The following ELP4 variants were observed in gnomAD, a reference collection of about 807,000 sequenced individuals.
ELP4 encodes elongator acetyltransferase complex subunit 4, also known as elongator complex protein 4.
A neutral mutation model predicts 48.9 loss-of-function variants in ELP4; 51 were observed. That is an observed-to-expected ratio of 1.04 (90% CI 0.83 to 1.32). ELP4 has a LOEUF of 1.32. Ranked by LOEUF, ELP4 falls within the 40% of genes most tolerant of loss-of-function variation. The pLI is 0.00. For synonymous variants in ELP4, 210 were observed against 189.2 expected (o/e 1.11, Z -0.90); for missense variants, 519 against 514.6 (o/e 1.01, Z -0.08).
chr11:31,553,443 C>CA (rs1483808924), intron 3 of ELP4, among the ~76,000 whole-genome samples: 1 of 152,048 alleles, frequency 6.6e-6, no homozygotes, highest in East Asian at 1.9e-4. Flanking sequence ...CATCCCGAGT[C>CA]AGAGAAATTT....
At chr11:31,530,174 AATTGACT>A (rs1274908061) in intron 2 of ELP4, among the ~76,000 whole-genome samples, 1 of 152,176 alleles carries the variant, frequency 6.6e-6, no homozygotes, top group Non-Finnish European at 1.5e-5. Flanking sequence ...AAAATGTTGT[AATTGACT>A]ATTGACTAAG....
chr11:31,564,508 T>C (rs1482027996), intron 3 of ELP4, among the ~76,000 whole-genome samples: 1 of 152,088 alleles, frequency 6.6e-6, no homozygotes, highest in Non-Finnish European at 1.5e-5. Context: ...TAGGTATATC[T>C]CCTAATGCTA....
intron 9 of ELP4, among the ~76,000 whole-genome samples, chr11:31,694,776 T>G (rs1326418710): frequency 6.6e-6 from 1 of 152,238 alleles, no homozygotes; most frequent in Non-Finnish European, 1.5e-5. Context: ...ACGATATTGA[T>G]TCTTCCTATC....
intron 1 of ELP4, chr11:31,510,592 A>C: frequency 2.5e-6 from 1 of 392,520 alleles, no homozygotes; most frequent in Non-Finnish European, 4.5e-6. Context: ...TGATATTTAG[A>C]TAGTGTCTGC....
At chr11:31,673,007 G>GT (rs1400288234) in intron 9 of ELP4, among the ~76,000 whole-genome samples, 2 of 151,708 alleles carry the variant, frequency 1.3e-5, no homozygotes, top group Admixed American at 6.6e-5. Flanking sequence ...GTTTTGGTGG[G>GT]TTTTTTTGTT....
chr11:31,546,609 T>G (rs760335825), intron 3 of ELP4, among the ~76,000 whole-genome samples: 4 of 152,086 alleles, frequency 2.6e-5, no homozygotes, highest in Non-Finnish European at 5.9e-5. Context: ...ACCCAGGAAT[T>G]GAATTCAGCT....
chr11:31,627,223 A>G (rs369765801), intron 6 of ELP4, 29 bp downstream of exon 6: 23 of 550,566 alleles, frequency 4.2e-5, no homozygotes, highest in Non-Finnish European at 5.7e-5. Context: ...GTCTTTTATA[A>G]TTATTTATAT....
rs761531074 is a variant in ELP4 at position 31,784,151 on chromosome 11, T to C, written c.*627T>C. ...TGGATGGTCTTTAGTTTAGTAATCC[T>C]AAACAATTGAAGTCAGTACTATGAA... On this transcript the variant is annotated 3_prime_UTR_variant, in exon 10 of 10. Coordinates refer to ENST00000640961, the MANE Select transcript of ELP4 (RefSeq NM_019040.5). 6.6e-6 allele frequency: 1 copy of C among 152,178 alleles called. No individual in the cohort carries two copies. The highest frequency in any genetic ancestry group is 1.5e-5 in the Non-Finnish European group (1 of 68,006). The allele number at this position is 152,178 out of a possible 1,614,324, so 9.4% of individuals were successfully genotyped here.
At chr11:31,543,382 T>A (rs963027797) in intron 3 of ELP4, among the ~76,000 whole-genome samples, 15 of 152,142 alleles carry the variant, frequency 9.9e-5, no homozygotes, top group African/African-American at 3.6e-4. Context: ...TGTAGTGGTG[T>A]GATCTTGGCC....
intron 7 of ELP4, among the ~76,000 whole-genome samples, chr11:31,641,675 G>T (rs1945100349): frequency 1.3e-5 from 2 of 151,822 alleles, no homozygotes; most frequent in South Asian, 4.1e-4. Flanking sequence ...AGAGGGAGTA[G>T]TTCTGTCTTC....
intron 9 of ELP4, among the ~76,000 whole-genome samples, chr11:31,722,297 A>T (rs1193670361): frequency 6.6e-6 from 1 of 152,206 alleles, no homozygotes; most frequent in Middle Eastern, 3.2e-3. Flanking sequence ...TTGAGAATTC[A>T]GGAAGGAGGA....
intron 9 of ELP4, among the ~76,000 whole-genome samples, chr11:31,657,801 G>A (rs1284597332): frequency 6.6e-6 from 1 of 151,824 alleles, no homozygotes; most frequent in Non-Finnish European, 1.5e-5. Context: ...GAAGTCATAT[G>A]CAGAATAACA....
chr11:31,546,333 T>C (rs1358404691), intron 3 of ELP4, among the ~76,000 whole-genome samples: 1 of 151,958 alleles, frequency 6.6e-6, no homozygotes, highest in Non-Finnish European at 1.5e-5. Context: ...GGGGTTGCAA[T>C]CCGAGTCTCT....
At chr11:31,757,360 T>C (rs1947853907) in intron 9 of ELP4, among the ~76,000 whole-genome samples, 3 of 151,860 alleles carry the variant, frequency 2.0e-5, no homozygotes, top group Admixed American at 1.3e-4. Context: ...TTGAATTCTT[T>C]CCAAATCAGA....
intron 9 of ELP4, among the ~76,000 whole-genome samples, chr11:31,679,313 A>G (rs553645303): frequency 6.6e-6 from 1 of 152,334 alleles, no homozygotes; most frequent in African/African-American, 2.4e-5. Context: ...TTTATATTAT[A>G]TCTTGAAGTC....
chr11:31,582,797 G>A (rs1443478397), intron 3 of ELP4, among the ~76,000 whole-genome samples: 1 of 151,878 alleles, frequency 6.6e-6, no homozygotes, highest in African/African-American at 2.4e-5. Context: ...TTTTTCCTGG[G>A]AGGAATCCTT....
intron 3 of ELP4, among the ~76,000 whole-genome samples, chr11:31,546,651 G>A (rs983563549): frequency 6.6e-6 from 1 of 152,048 alleles, no homozygotes; most frequent in Non-Finnish European, 1.5e-5. Context: ...GACATCTACA[G>A]AACTCTCCAC....
At chr11:31,513,366 G>T (rs1197133173) in intron 1 of ELP4, among the ~76,000 whole-genome samples, 1 of 152,112 alleles carries the variant, frequency 6.6e-6, no homozygotes, top group Non-Finnish European at 1.5e-5. Context: ...GGAAGAAAAA[G>T]TAGAGTTGTT....
chr11:31,765,631 G>A (rs1185103660), intron 9 of ELP4, among the ~76,000 whole-genome samples: 1 of 151,964 alleles, frequency 6.6e-6, no homozygotes, highest in African/African-American at 2.4e-5. Context: ...AAGAATTTAA[G>A]ACTTCCTATC....
Sources: allele counts gnomAD v4.1 joint callset (sites outside exome capture counted in the v4.1 genomes callset), GRCh38; gene constraint gnomAD v4.1.1; transcripts MANE v1.5; gene names NCBI Gene and HGNC (gene_info 2026-07-23, HGNC 2026-07-21).